Variants in EXOC6B observed in about 807,000 individuals in gnomAD.
The protein encoded by EXOC6B is exocyst complex component 6B, also known as SEC15 homolog B.
A neutral mutation model predicts 113.5 loss-of-function variants in EXOC6B; 54 were observed. That is an observed-to-expected ratio of 0.48 (90% CI 0.38 to 0.60). The LOEUF (loss-of-function observed/expected upper bound fraction) is 0.60. EXOC6B is among the 20% of genes least tolerant of loss of function. The pLI is 0.00. For missense variants in EXOC6B, 797 were observed against 977.5 expected (o/e 0.82, Z 2.46); for synonymous variants, 357 against 339.0 (o/e 1.05, Z -0.58).
At chr2:72,250,715 A>G (rs1162547551) in intron 20 of EXOC6B, among the ~76,000 whole-genome samples, 1 of 152,108 alleles carries the variant, frequency 6.6e-6, no homozygotes, top group East Asian at 1.9e-4. Context: ...GAAATCTATT[A>G]TGATTTTTTG....
intron 19 of EXOC6B, among the ~76,000 whole-genome samples, chr2:72,363,862 T>C (rs1690459464): frequency 6.6e-6 from 1 of 152,120 alleles, no homozygotes; most frequent in Non-Finnish European, 1.5e-5. Context: ...CTAAAATCTA[T>C]ATTCTTAATG....
chr2:72,629,737 T>C (rs1672270950), intron 6 of EXOC6B, among the ~76,000 whole-genome samples: 1 of 152,184 alleles, frequency 6.6e-6, no homozygotes, highest in Non-Finnish European at 1.5e-5. Context: ...GGCAATGATG[T>C]ATAAAACAAT....
chr2:72,740,778 T>C (rs540492038), intron 2 of EXOC6B, among the ~76,000 whole-genome samples: 28 of 152,192 alleles, frequency 1.8e-4, no homozygotes, highest in Middle Eastern at 3.4e-3. Context: ...CTGGTCCACA[T>C]GTAGTTATCC....
intron 18 of EXOC6B, among the ~76,000 whole-genome samples, chr2:72,455,151 T>C (rs1287379134): frequency 1.3e-5 from 2 of 152,320 alleles, no homozygotes; most frequent in East Asian, 3.9e-4. Context: ...CTGATGCCTC[T>C]AGCCCTTTTT....
At chr2:72,568,811 C>T (rs1704348241) in intron 7 of EXOC6B, among the ~76,000 whole-genome samples, 1 of 151,868 alleles carries the variant, frequency 6.6e-6, no homozygotes, top group Non-Finnish European at 1.5e-5. Flanking sequence ...TCCACAGTTG[C>T]AGTTACTAGC....
At chr2:72,644,809 G>A (rs532555807) in intron 6 of EXOC6B, among the ~76,000 whole-genome samples, 8 of 152,070 alleles carry the variant, frequency 5.3e-5, no homozygotes, top group South Asian at 2.1e-4. Flanking sequence ...GGAAAGGAAC[G>A]ACCGGTACCA....
intron 20 of EXOC6B, among the ~76,000 whole-genome samples, chr2:72,236,372 G>A (rs1176760416): frequency 6.6e-6 from 1 of 152,178 alleles, no homozygotes; most frequent in Non-Finnish European, 1.5e-5. Context: ...TATTGGATAT[G>A]TTATTCTGAG....
chr2:72,434,319 A>C (rs918304064), intron 18 of EXOC6B, among the ~76,000 whole-genome samples: 1 of 152,178 alleles, frequency 6.6e-6, no homozygotes, highest in African/African-American at 2.4e-5. Flanking sequence ...TATTTTATTG[A>C]GGATTTTTTG....
intron 19 of EXOC6B, among the ~76,000 whole-genome samples, chr2:72,374,298 A>T (rs895895001): frequency 5.0e-4 from 76 of 152,206 alleles, no homozygotes; most frequent in African/African-American, 1.8e-3. Context: ...GTCCATCAAC[A>T]GATATATGGA....
intron 2 of EXOC6B, among the ~76,000 whole-genome samples, chr2:72,736,312 G>A (rs981190875): frequency 3.9e-4 from 60 of 152,138 alleles, no homozygotes; most frequent in African/African-American, 1.4e-3. Flanking sequence ...AGAAATAATG[G>A]GCATCTTAGA....
chr2:72,270,825 G>A (rs1293243176), intron 20 of EXOC6B, among the ~76,000 whole-genome samples: 2 of 151,996 alleles, frequency 1.3e-5, no homozygotes, highest in East Asian at 3.9e-4. Flanking sequence ...GAATAAAATT[G>A]AATTTCCTTT....
intron 8 of EXOC6B, among the ~76,000 whole-genome samples, chr2:72,523,780 C>CAAAA (rs11334254): frequency 2.8e-4 from 18 of 63,698 alleles, no homozygotes; most frequent in Non-Finnish European, 3.3e-4. Context: ...GACTCCATCT[C>CAAAA]AAAAAAAAAA....
chr2:72,562,852 A>T (rs1411562629), intron 7 of EXOC6B, among the ~76,000 whole-genome samples: 3 of 151,886 alleles, frequency 2.0e-5, no homozygotes, highest in Non-Finnish European at 3.0e-5. Context: ...GTTCAAATAC[A>T]TCTATGAAGA....
intron 20 of EXOC6B, among the ~76,000 whole-genome samples, chr2:72,321,656 C>CATTTAT (rs1270937935): frequency 2.0e-5 from 3 of 151,878 alleles, no homozygotes; most frequent in African/African-American, 7.3e-5. Flanking sequence ...CGCATTATTC[C>CATTTAT]ATTTATATGG....
At chr2:72,477,871 TTA>T (rs1304585755) in intron 17 of EXOC6B, among the ~76,000 whole-genome samples, 3 of 152,214 alleles carry the variant, frequency 2.0e-5, no homozygotes, top group African/African-American at 7.2e-5. Context: ...TTTTGGTCAT[TTA>T]TTTTTTTTTC....
intron 20 of EXOC6B, among the ~76,000 whole-genome samples, chr2:72,312,035 C>T (rs1337329381): frequency 6.6e-6 from 1 of 152,212 alleles, no homozygotes; most frequent in Non-Finnish European, 1.5e-5. Flanking sequence ...AGTGACCACA[C>T]AAATTTGAAT....
intron 6 of EXOC6B, among the ~76,000 whole-genome samples, chr2:72,630,406 C>T (rs1413791022): frequency 6.6e-6 from 1 of 152,170 alleles, no homozygotes; most frequent in Non-Finnish European, 1.5e-5. Flanking sequence ...CTATACTGCC[C>T]ATGGAAATAA....
chr2:72,528,368 T>A (rs999090282), intron 8 of EXOC6B, among the ~76,000 whole-genome samples: 1 of 152,116 alleles, frequency 6.6e-6, no homozygotes, highest in Non-Finnish European at 1.5e-5. Context: ...AATCTATTCC[T>A]GGGTTCTCTA....
At chr2:72,344,900 T>A (rs1689238064) in intron 19 of EXOC6B, among the ~76,000 whole-genome samples, 1 of 151,816 alleles carries the variant, frequency 6.6e-6, no homozygotes, top group Non-Finnish European at 1.5e-5. Context: ...CAAACAACAA[T>A]CCTGGGAAAA....
Sources: gnomAD v4.1 joint callset for allele counts (sites outside exome capture counted in the v4.1 genomes callset) on GRCh38, gnomAD v4.1.1 for gene constraint, MANE v1.5 for transcripts, NCBI Gene and HGNC (gene_info 2026-07-23, HGNC 2026-07-21) for gene names.